RAP1B: variants seen among roughly 807,000 people sequenced by gnomAD.
RAP1B encodes the protein RAP1B, member of RAS oncogene family, also known as ras-related protein Rap-1b.
Under a neutral mutation model 27.5 loss-of-function variants are expected in RAP1B, and 1 was observed. That is an observed-to-expected ratio of 0.04 (90% CI 0.01 to 0.17). The LOEUF (loss-of-function observed/expected upper bound fraction) is 0.17. RAP1B is among the 10% of genes least tolerant of loss of function. RAP1B has a pLI of 1.00. For synonymous variants in RAP1B, 75 were observed against 73.1 expected, an observed-to-expected ratio of 1.03 and a Z score of -0.13; for missense variants, 84 against 214.8, an observed-to-expected ratio of 0.39 and a Z score of 3.81.
Position 68,650,383 on chromosome 12 carries a change from CTTAA to C in RAP1B, c.58-14_58-11del. 2.0e-6 allele frequency: 3 copies of C among 1,518,640 alleles called. No homozygotes were observed. The highest frequency in any genetic ancestry group is 1.8e-6 in the Non-Finnish European group (2 of 1,127,466). The allele number at this position is 1,518,640 out of a possible 1,614,324, so 94.1% of individuals were successfully genotyped here. On this transcript the variant is annotated splice_polypyrimidine_tract_variant and intron_variant, in intron 2 of 7. Coordinates refer to ENST00000250559, the MANE Select transcript of RAP1B (RefSeq NM_001010942.3). ...CTTTTCTTTAGAAGTATAATGGTTT[CTTAA>C]TTTTTTTTTCAGACTGTACAATTTG... is the stretch of plus-strand genomic sequence containing the variant.
chr12:68,623,533 G>T (rs1592426225), intron 1 of RAP1B, among the ~76,000 whole-genome samples: 1 of 152,006 alleles, frequency 6.6e-6, no homozygotes, highest in East Asian at 1.9e-4. Flanking sequence ...TTTAGATTTT[G>T]GTAAGAGTAA....
Position 68,642,045 on chromosome 12 carries a change from A to G in RAP1B, c.-26-6654A>G, listed in dbSNP as rs546391856. ...TAAGTTCATTTCGCATATATGCTAC[A>G]GTCTTTTCTGTTTAACGCGTTGAGT... On this transcript the variant is annotated intron_variant, in intron 1 of 7. Coordinates refer to ENST00000250559, the MANE Select transcript of RAP1B (RefSeq NM_001010942.3). Among the ~76,000 whole-genome samples, 12 of 152,280 alleles carry G rather than the reference A, an allele frequency of 7.9e-5. No individual in the cohort carries two copies. In the East Asian group the frequency reaches 1.9e-3, roughly 24 times the overall value.
intron 1 of RAP1B, among the ~76,000 whole-genome samples, chr12:68,641,616 G>C (rs1873009028): frequency 6.6e-6 from 1 of 152,078 alleles, no homozygotes; most frequent in South Asian, 2.1e-4. Context: ...CATCAATCAG[G>C]TTAGTTGCAG....
At chr12:68,630,233 A>G (rs1469825782) in intron 1 of RAP1B, among the ~76,000 whole-genome samples, 1 of 152,152 alleles carries the variant, frequency 6.6e-6, no homozygotes, top group South Asian at 2.1e-4. Flanking sequence ...GTGTTGGCAA[A>G]CTTTTTCTGT....
At chr12:68,655,982 GTGTCTTATTTA>G (rs779984886) in intron 5 of RAP1B, among the ~76,000 whole-genome samples, 40 of 152,276 alleles carry the variant, frequency 2.6e-4, no homozygotes, top group Non-Finnish European at 5.0e-4. Flanking sequence ...TTATGTAAAA[GTGTCTTATTTA>G]TGTCTACATT....
intron 1 of RAP1B, among the ~76,000 whole-genome samples, chr12:68,647,377 T>TCCCCC (rs1873489897): frequency 6.2e-4 from 2 of 3,244 alleles, no homozygotes; most frequent in Non-Finnish European, 1.1e-3. Context: ...TGCCCCCCAC[T>TCCCCC]CCACTCCCCG....
chr12:68,648,870 G>A, intron 2 of RAP1B, 89 bp downstream of exon 2: 1 of 1,219,218 alleles, frequency 8.2e-7, no homozygotes. Context: ...TCTTTGTTAA[G>A]ATAAAATTCC....
At chr12:68,643,487 G>T (rs1408032438) in intron 1 of RAP1B, among the ~76,000 whole-genome samples, 1 of 152,086 alleles carries the variant, frequency 6.6e-6, no homozygotes, top group African/African-American at 2.4e-5. Context: ...ATTTAATGTT[G>T]TAATTTTCAG....
intron 5 of RAP1B, among the ~76,000 whole-genome samples, chr12:68,655,559 G>A (rs1424723081): frequency 8.9e-5 from 12 of 134,578 alleles, no homozygotes; most frequent in Non-Finnish European, 1.3e-4. Flanking sequence ...TTTTTGAGAC[G>A]GAGTCTCACC....
chr12:68,618,135 T>G (rs559217889), intron 1 of RAP1B, among the ~76,000 whole-genome samples: 2 of 125,784 alleles, frequency 1.6e-5, no homozygotes, highest in African/African-American at 5.9e-5. Context: ...TCGCCCAGGC[T>G]AGAATGCAGT....
rs1010433276 is a variant in RAP1B at position 68,661,809 on chromosome 12, G to T, written c.*2560G>T. ...ACATTAGTTACAGATGAGTGTTAGG[G>T]TTACAAGATGGATGGTTTACTATAT... On this transcript the variant is annotated 3_prime_UTR_variant, in exon 8 of 8. Coordinates refer to ENST00000250559, the MANE Select transcript of RAP1B (RefSeq NM_001010942.3). 53 of 151,994 alleles carry T rather than the reference G, an allele frequency of 3.5e-4. No individual in the cohort carries two copies. Among genetic ancestry groups the T allele is most frequent in the African/African-American group, 1.3e-3 (52 of 41,466 alleles). The allele number at this position is 151,994 out of a possible 1,614,324, so 9.4% of individuals were successfully genotyped here.
Position 68,623,839 on chromosome 12 carries a change from G to A in RAP1B, c.-27+12796G>A, listed in dbSNP as rs183552352. Among the ~76,000 whole-genome samples the A allele has an allele frequency of 9.1e-3, 1,390 of 152,268 alleles. 10 individuals are homozygous for A. The highest frequency in any genetic ancestry group is 0.019 in the South Asian group (94 of 4,826). ...AGATCGAGACCATCCTGGCTAACACGGTGAAACCCATCTCTACTAAAAATA... is the reference window on the plus strand; with the variant it reads ...AGATCGAGACCATCCTGGCTAACACAGTGAAACCCATCTCTACTAAAAATA... On this transcript the variant is annotated intron_variant, in intron 1 of 7. Transcript: ENST00000250559.
At chr12:68,614,786 T>C (rs1870863290) in intron 1 of RAP1B, among the ~76,000 whole-genome samples, 1 of 152,224 alleles carries the variant, frequency 6.6e-6, no homozygotes, top group Admixed American at 6.5e-5. Context: ...GTACCATGGC[T>C]CTGGAAGCTA....
rs1330362618 is a variant in RAP1B, at chr12:68,669,568, C to G, written c.*10319C>G. The G allele has an allele frequency of 6.6e-6, 1 of 152,042 alleles. No homozygotes were observed. The highest frequency in any genetic ancestry group is 1.5e-5 in the Non-Finnish European group (1 of 68,078). The allele number at this position is 152,042 out of a possible 1,614,324, so 9.4% of individuals were successfully genotyped here. A position where few individuals can be genotyped will look rare whatever the true frequency, so the allele number is the denominator to read the frequency against. On this transcript the variant is annotated 3_prime_UTR_variant, in exon 8 of 8. Transcript: ENST00000250559. The stretch of plus-strand genomic sequence containing the variant: ...CTGTAATCCCAGCACTTTCGGAGGC[C>G]GAGGGGGGCGGATCACGAGGTCAGG...
At chr12:68,655,343 A>C (rs1874126297) in intron 5 of RAP1B, among the ~76,000 whole-genome samples, 1 of 151,990 alleles carries the variant, frequency 6.6e-6, no homozygotes, top group Non-Finnish European at 1.5e-5. Context: ...AATAAGACTC[A>C]TTGTACTGCA....
In RAP1B at chr12:68,671,023, C is replaced by A. The variant is rs1196459322; in HGVS notation, c.*11774C>A. ...AGCCTGGGCAACAAGAGTGATACTC[C>A]GTTTAAAAAAAAAAAAAAAAAAAAA... On this transcript the variant is annotated 3_prime_UTR_variant, in exon 8 of 8. Transcript: ENST00000250559. 3 of 141,756 alleles carry A rather than the reference C, an allele frequency of 2.1e-5. No individual in the cohort carries two copies. The highest frequency in any genetic ancestry group is 3.0e-5 in the Non-Finnish European group (2 of 65,818). The allele number at this position is 141,756 out of a possible 1,614,324, so 8.8% of individuals were successfully genotyped here.
chr12:68,638,448 T>C (rs1872771939), intron 1 of RAP1B, among the ~76,000 whole-genome samples: 1 of 152,212 alleles, frequency 6.6e-6, no homozygotes, highest in Non-Finnish European at 1.5e-5. Flanking sequence ...CTAGTCTTAA[T>C]GGATTTTCCC....
At chr12:68,650,279 G>C in intron 2 of RAP1B, 121 bp from the exon 3 acceptor site, 1 of 903,776 alleles carries the variant, frequency 1.1e-6, no homozygotes, top group South Asian at 2.2e-5. Flanking sequence ...TGTAGTATTG[G>C]CTGTGGTTTT....
In RAP1B at chr12:68,661,089, C is replaced by T. The variant is rs1874571203; in HGVS notation, c.*1840C>T. 1 of 152,130 alleles carries T rather than the reference C, an allele frequency of 6.6e-6. No homozygotes were observed. The highest frequency in any genetic ancestry group is 1.5e-5 in the Non-Finnish European group (1 of 68,018). The allele number at this position is 152,130 out of a possible 1,614,324, so 9.4% of individuals were successfully genotyped here. ...TTTGCCAGCTACTGGAGCAATTAAT[C>T]AGTGATAATATCTAATAGAGGGGTA... On this transcript the variant is annotated 3_prime_UTR_variant, in exon 8 of 8. Coordinates refer to ENST00000250559, the MANE Select transcript of RAP1B (RefSeq NM_001010942.3).
Sources: allele counts gnomAD v4.1 joint callset (sites outside exome capture counted in the v4.1 genomes callset), GRCh38; gene constraint gnomAD v4.1.1; transcripts MANE v1.5; gene names NCBI Gene and HGNC (gene_info 2026-07-23, HGNC 2026-07-21).